The following ZNF407 variants were observed in gnomAD, a reference collection of about 807,000 sequenced individuals.
ZNF407 encodes the protein zinc finger protein 407.
A neutral mutation model predicts 131.2 loss-of-function variants in ZNF407; 17 were observed. That is an observed-to-expected ratio of 0.13 (90% CI 0.09 to 0.19). ZNF407 has a LOEUF of 0.19. Ranked by LOEUF, ZNF407 falls within the 10% of genes least tolerant of loss-of-function variation. ZNF407 has a pLI of 1.00. For synonymous variants in ZNF407, 1,156 were observed against 1,062.0 expected (o/e 1.09, Z -1.72); for missense variants, 2,681 against 2,830.6 (o/e 0.95, Z 1.20).
chr18:74,811,686 A>C (rs1370663158), intron 4 of ZNF407, among the ~76,000 whole-genome samples: 1 of 151,920 alleles, frequency 6.6e-6, no homozygotes, highest in Non-Finnish European at 1.5e-5. Flanking sequence ...ATGGAATACT[A>C]TGCAGCCATA....
chr18:75,048,691 C>T lies in ZNF407; in HGVS notation c.5429-14459C>T, dbSNP rs1294733728. On this transcript the variant is annotated intron_variant, in intron 8 of 8. Transcript: ENST00000299687. The surrounding 1 kb of genome is among the most constrained non-coding windows in gnomAD (Gnocchi z 4.1). Reference sequence around the variant, plus strand: ...TTAAAAAAATCAACTAGATTATTTTCATCAACTTTATAACTATGTTTAAAA... The same window carrying T: ...TTAAAAAAATCAACTAGATTATTTTTATCAACTTTATAACTATGTTTAAAA... Among the ~76,000 whole-genome samples, 1 of 152,174 alleles carries T rather than the reference C, an allele frequency of 6.6e-6. No homozygotes were observed. The highest frequency in any genetic ancestry group is 1.9e-4 in the East Asian group (1 of 5,196).
Position 75,064,699 on chromosome 18 carries a change from G to A in ZNF407, c.*231G>A, listed in dbSNP as rs914824711. ...AGGCTGCCAAGTGCAGGGGAGGGCC[G>A]GGCGCAGGCCGCACAGGGAGCTCCG... On this transcript the variant is annotated 3_prime_UTR_variant, in exon 9 of 9. Transcript: ENST00000299687. The A allele has an allele frequency of 7.4e-5, 33 of 443,996 alleles. No individual in the cohort carries two copies. Among genetic ancestry groups the A allele is most frequent in the Non-Finnish European group, 1.2e-4 (30 of 253,182 alleles). The allele number at this position is 443,996 out of a possible 1,614,324, so 27.5% of individuals were successfully genotyped here.
intron 4 of ZNF407, among the ~76,000 whole-genome samples, chr18:74,785,832 CTCACATGGCAT>C (rs1395065482): frequency 2.0e-5 from 3 of 151,832 alleles, no homozygotes; most frequent in Non-Finnish European, 4.4e-5. Context: ...GCACATGTCA[CTCACATGGCAT>C]GCACATGGCC....
chr18:74,813,677 G>A (rs1970229762), intron 4 of ZNF407, among the ~76,000 whole-genome samples: 1 of 152,164 alleles, frequency 6.6e-6, no homozygotes. Context: ...GGGAGGAGGT[G>A]GCATCTGTTC....
At chr18:74,665,907 GT>G (rs1271552752) in intron 3 of ZNF407, among the ~76,000 whole-genome samples, 3 of 152,262 alleles carry the variant, frequency 2.0e-5, no homozygotes, top group South Asian at 4.1e-4. Context: ...ATGGTATTTA[GT>G]TTTGAGAATC....
chr18:74,730,469 T>A, intron 3 of ZNF407, among the ~76,000 whole-genome samples: 1 of 152,100 alleles, frequency 6.6e-6, no homozygotes, highest in African/African-American at 2.4e-5. Context: ...CTGCCTTGTG[T>A]CCTGTCATTA....
intron 8 of ZNF407, among the ~76,000 whole-genome samples, chr18:74,977,987 A>T (rs1972547068): frequency 6.6e-6 from 1 of 152,208 alleles, no homozygotes; most frequent in South Asian, 2.1e-4. Context: ...AATGTGGTCT[A>T]ACTTTCAACT....
intron 8 of ZNF407, among the ~76,000 whole-genome samples, chr18:74,989,695 T>C (rs1972695584): frequency 6.6e-6 from 1 of 151,980 alleles, no homozygotes; most frequent in South Asian, 2.1e-4. Flanking sequence ...CACAAAAAAT[T>C]AGCCGGGCAT....
At chr18:75,050,067 G>A (rs1444553488) in intron 8 of ZNF407, among the ~76,000 whole-genome samples, 1 of 152,076 alleles carries the variant, frequency 6.6e-6, no homozygotes, top group Non-Finnish European at 1.5e-5. Flanking sequence ...TATGTATAAT[G>A]TGGTTCAAAT....
chr18:74,804,066 A>C, intron 4 of ZNF407: 2 of 1,551,632 alleles, frequency 1.3e-6, no homozygotes, highest in Non-Finnish European at 1.7e-6. Context: ...AGCACTTTTC[A>C]TAACTGATGG....
At chr18:74,983,562 C>T (rs893793126) in intron 8 of ZNF407, among the ~76,000 whole-genome samples, 2 of 152,054 alleles carry the variant, frequency 1.3e-5, no homozygotes, top group Admixed American at 6.6e-5. Context: ...ATGAGTCAGT[C>T]GGTCTTTGGG....
chr18:75,032,796 TAA>T (rs1973258258), intron 8 of ZNF407, among the ~76,000 whole-genome samples: 1 of 129,458 alleles, frequency 7.7e-6, no homozygotes, highest in Non-Finnish European at 1.5e-5. Flanking sequence ...ATTAGATAAC[TAA>T]GACTGCTCAG....
chr18:75,014,062 T>G (rs1003081660), intron 8 of ZNF407, among the ~76,000 whole-genome samples: 2 of 152,098 alleles, frequency 1.3e-5, no homozygotes, highest in South Asian at 4.1e-4. Context: ...CCAAATGAAT[T>G]GGGCAGTTTG....
chr18:74,817,841 G>T (rs145180735), intron 4 of ZNF407, among the ~76,000 whole-genome samples: 257 of 152,244 alleles, frequency 1.7e-3, no homozygotes, highest in African/African-American at 5.9e-3. Context: ...TATTTTAAGT[G>T]TGACCATGAG....
At chr18:74,685,875 C>A (rs1313914773) in intron 3 of ZNF407, among the ~76,000 whole-genome samples, 1 of 152,198 alleles carries the variant, frequency 6.6e-6, no homozygotes, top group Non-Finnish European at 1.5e-5. Flanking sequence ...TTCTAATACA[C>A]TGTGCCATTT....
rs1243928756 is a variant in ZNF407, at chr18:74,703,481, C to A, written c.4802+62359C>A. Among the ~76,000 whole-genome samples, 1 of 152,192 alleles carries A rather than the reference C, an allele frequency of 6.6e-6. No homozygotes were observed. The highest frequency in any genetic ancestry group is 2.4e-5 in the African/African-American group (1 of 41,454). On this transcript the variant is annotated intron_variant, in intron 3 of 8. Coordinates refer to ENST00000299687, the MANE Select transcript of ZNF407 (RefSeq NM_017757.3). This position sits in a 1 kb window ranked among gnomAD's most constrained non-coding sequence, Gnocchi z 4.1. ...TTCTGGGTTCAAGCAGTTCTCCTGC[C>A]TCAGCCTCCAGAGTAGCTGGGATTA...
chr18:74,758,476 C>G (rs1344757070), intron 3 of ZNF407, among the ~76,000 whole-genome samples: 1 of 152,098 alleles, frequency 6.6e-6, no homozygotes, highest in Non-Finnish European at 1.5e-5. Flanking sequence ...CTGTTACTGT[C>G]ATATAAAATG....
At chr18:75,047,645 T>C (rs1406285912) in intron 8 of ZNF407, among the ~76,000 whole-genome samples, 1 of 152,256 alleles carries the variant, frequency 6.6e-6, no homozygotes, top group African/African-American at 2.4e-5. Flanking sequence ...TAGCTCCTAC[T>C]AATAGACACC....
At position 75,062,986 on chromosome 18, in the gene ZNF407, G is replaced by A. The variant is rs984333258; in HGVS notation, c.5429-164G>A. On this transcript the variant is annotated intron_variant, in intron 8 of 8. Coordinates refer to ENST00000299687, the MANE Select transcript of ZNF407 (RefSeq NM_017757.3). ...AGCCTGCCTGCAGATGCCCACGGAGGCCTCTGGCCCTGCTGAAGCTTGCAC... is the reference window on the plus strand; with the variant it reads ...AGCCTGCCTGCAGATGCCCACGGAGACCTCTGGCCCTGCTGAAGCTTGCAC... 2.6e-5 allele frequency: 16 copies of A among 604,716 alleles called. No individual in the cohort carries two copies. In the African/African-American group the frequency reaches 2.8e-4, roughly 11 times the overall value. The allele number at this position is 604,716 out of a possible 1,614,324, so 37.5% of individuals were successfully genotyped here. A position where few individuals can be genotyped will look rare whatever the true frequency, so the allele number is the denominator to read the frequency against.
Sources: allele counts gnomAD v4.1 joint callset (sites outside exome capture counted in the v4.1 genomes callset), GRCh38; gene constraint gnomAD v4.1.1; non-coding constraint Gnocchi (gnomAD v3.1); transcripts MANE v1.5; gene names NCBI Gene and HGNC (gene_info 2026-07-23, HGNC 2026-07-21).